The following TUSC3 variants were observed in gnomAD, a reference collection of about 807,000 sequenced individuals.
TUSC3 encodes the protein tumor suppressor candidate 3, also known as dolichyl-diphosphooligosaccharide--protein glycosyltransferase subunit TUSC3.
Under a neutral mutation model 44.8 loss-of-function variants are expected in TUSC3, and 45 were observed. The ratio of observed to expected loss-of-function variants is 1.00; its 90% CI spans 0.79 to 1.29. The LOEUF is 1.29. TUSC3 is among the 50% of genes most tolerant of loss of function. The probability of loss-of-function intolerance (pLI) is 0.00; values close to 1 mark genes in which losing one functional copy is unlikely to be tolerated. For missense variants in TUSC3, 519 were observed against 437.9 expected, an observed-to-expected ratio of 1.19 and a Z score of -1.65; for synonymous variants, 212 against 152.9, an observed-to-expected ratio of 1.39 and a Z score of -2.85.
Position 15,675,968 on chromosome 8 carries a change from T to C in TUSC3, c.798+2132T>C, listed in dbSNP as rs185795119. Among the ~76,000 whole-genome samples the C allele has an allele frequency of 6.6e-5, 10 of 152,244 alleles. No homozygotes were observed. In the East Asian group the frequency reaches 1.9e-3, roughly 29 times the overall value. ...TATATACCAGCAATGGATCGCTGGG[T>C]CGAACGGTAGTTCTATCTTAAGTTC... On this transcript the variant is annotated intron_variant, in intron 6 of 10. Coordinates refer to ENST00000503731, the MANE Select transcript of TUSC3 (RefSeq NM_006765.4).
At chr8:15,692,236 G>T (rs1808932642) in intron 6 of TUSC3, among the ~76,000 whole-genome samples, 1 of 151,808 alleles carries the variant, frequency 6.6e-6, no homozygotes, top group Non-Finnish European at 1.5e-5. Flanking sequence ...GTATTTTGTT[G>T]AGGATTTTTG....
chr8:15,446,116 C>G (rs997732189), intron 1 of TUSC3, among the ~76,000 whole-genome samples: 1 of 151,710 alleles, frequency 6.6e-6, no homozygotes, highest in Non-Finnish European at 1.5e-5. Context: ...AGACACTCCT[C>G]AGATCCCAGA....
At position 15,748,390 on chromosome 8, in the gene TUSC3, G is replaced by A. The variant is rs1432108539; in HGVS notation, c.953G>A (p.Gly318Glu). 1 of 1,613,384 alleles carries A rather than the reference G, an allele frequency of 6.2e-7. No homozygotes were observed. The highest frequency in any genetic ancestry group is 1.1e-5 in the South Asian group (1 of 91,070). Residue 318 changes from glycine (G) to glutamate (E), a missense_variant, in exon 9 of 11, where the codon GGA (glycine) becomes GAA (glutamate). Coordinates refer to ENST00000503731, the MANE Select transcript of TUSC3 (RefSeq NM_006765.4). ...CTGTTTCTAGTAATTTGCCTAGTGG[G>A]ATTGGGCCTGGTGGTCTTCTTCTTC... ...VGKRRIICLV[G>E]LGLVVFFFSF...
chr8:15,769,768 A>G (rs11986062), downstream of TUSC3, among the ~76,000 whole-genome samples: 6,387 of 152,296 alleles, frequency 0.042, 168 homozygotes, highest in African/African-American at 0.077. Flanking sequence ...GGATATGAAC[A>G]GACACTTTTC....
In TUSC3 at chr8:15,554,479, C is replaced by A. The variant is rs545518786; in HGVS notation, c.138+13911C>A. 8.6e-5 allele frequency among the ~76,000 whole-genome samples: 13 copies of A among 151,442 alleles called. 1 individual carries two copies. Among genetic ancestry groups the A allele is most frequent in the African/African-American group, 2.4e-4 (10 of 41,412 alleles). ...GGTGAGCAGCCTCCCTGACAACTCA[C>A]AATGAAGAAATGTACTTTTATTTAT... On this transcript the variant is annotated intron_variant, in intron 1 of 10. Transcript: ENST00000503731.
intron 1 of TUSC3, among the ~76,000 whole-genome samples, chr8:15,579,377 CT>C (rs1563300449): frequency 7.7e-6 from 1 of 130,318 alleles, no homozygotes; most frequent in Non-Finnish European, 1.6e-5. Flanking sequence ...TGTGTTTGCT[CT>C]TGCTTTTCTA....
intron 1 of TUSC3, among the ~76,000 whole-genome samples, chr8:15,437,507 C>T (rs1006329148): frequency 2.0e-5 from 3 of 152,108 alleles, no homozygotes; most frequent in African/African-American, 7.2e-5. Flanking sequence ...AAGGATGCAG[C>T]AATGAAAAGA....
intron 2 of TUSC3, among the ~76,000 whole-genome samples, chr8:15,531,369 A>G (rs936397098): frequency 6.6e-6 from 1 of 152,112 alleles, no homozygotes; most frequent in African/African-American, 2.4e-5. Context: ...CTCCTGCCTC[A>G]GCCTCCCGCA....
At chr8:15,555,331 G>A (rs896298918) in intron 1 of TUSC3, among the ~76,000 whole-genome samples, 21 of 103,408 alleles carry the variant, frequency 2.0e-4, no homozygotes, top group Admixed American at 2.0e-3. Context: ...GTCTTGCTCT[G>A]TTGCCCAGGC....
At chr8:15,728,882 TGGG>T (rs892832450) in intron 6 of TUSC3, among the ~76,000 whole-genome samples, 1 of 152,030 alleles carries the variant, frequency 6.6e-6, no homozygotes, top group Non-Finnish European at 1.5e-5. Flanking sequence ...TCCTCAAGAT[TGGG>T]GTCCTGGAAG....
chr8:15,796,799 G>A, the TUSC3 span, among the ~76,000 whole-genome samples: 9 of 152,184 alleles, frequency 5.9e-5, no homozygotes, highest in Non-Finnish European at 1.3e-4. Context: ...TAAATATGCT[G>A]CTTCCTTTTG....
chr8:15,806,422 GA>G, the TUSC3 span: 1 of 652,276 alleles, frequency 1.5e-6, no homozygotes, highest in Non-Finnish European at 2.8e-6. Context: ...GGTGCATTTG[GA>G]AACCAGAGAA....
At chr8:15,833,709 G>A in the TUSC3 span, among the ~76,000 whole-genome samples, 2 of 151,884 alleles carry the variant, frequency 1.3e-5, no homozygotes, top group African/African-American at 4.8e-5. Flanking sequence ...TGGGAGGAGA[G>A]AAATGACCAC....
chr8:15,713,714 T>C (rs1415658963), intron 6 of TUSC3, among the ~76,000 whole-genome samples: 9 of 152,066 alleles, frequency 5.9e-5, no homozygotes, highest in Admixed American at 5.9e-4. Flanking sequence ...CTTTTTTTTA[T>C]AAAGATGCCA....
At chr8:15,511,325 AAG>A (rs1801133272) in intron 2 of TUSC3, among the ~76,000 whole-genome samples, 1 of 152,096 alleles carries the variant, frequency 6.6e-6, no homozygotes, top group Admixed American at 6.6e-5. Context: ...GAATAGAAGA[AAG>A]AGAAAGCAAA....
intron 1 of TUSC3, among the ~76,000 whole-genome samples, chr8:15,475,263 G>A (rs140459345): frequency 2.6e-5 from 4 of 152,252 alleles, no homozygotes; most frequent in African/African-American, 9.6e-5. Flanking sequence ...CTTGCCTGAA[G>A]TTATAGAAGT....
intron 1 of TUSC3, among the ~76,000 whole-genome samples, chr8:15,568,907 C>G (rs1363765801): frequency 6.6e-6 from 1 of 151,674 alleles, no homozygotes; most frequent in African/African-American, 2.4e-5. Flanking sequence ...TCATTCTAAG[C>G]TTTAACCTCA....
intron 1 of TUSC3, among the ~76,000 whole-genome samples, chr8:15,478,202 G>A (rs1029269995): frequency 2.0e-5 from 3 of 152,158 alleles, no homozygotes; most frequent in Admixed American, 2.0e-4. Flanking sequence ...CGGGCCTCAA[G>A]TCATACACCT....
chr8:15,826,125 C>T, the TUSC3 span, among the ~76,000 whole-genome samples: 1 of 152,044 alleles, frequency 6.6e-6, no homozygotes, highest in Non-Finnish European at 1.5e-5. Flanking sequence ...AAATATGATG[C>T]ATGATTCTGA....
Sources: allele counts gnomAD v4.1 joint callset (sites outside exome capture counted in the v4.1 genomes callset), GRCh38; gene constraint gnomAD v4.1.1; transcripts MANE v1.5; gene names NCBI Gene and HGNC (gene_info 2026-07-23, HGNC 2026-07-21).